The following PCBP3 variants were observed in gnomAD, a reference collection of about 807,000 sequenced individuals.
PCBP3 encodes poly(rC) binding protein 3.
PCBP3 carries 25 observed loss-of-function variants against 52.7 expected under a neutral mutation model. The ratio of observed to expected loss-of-function variants is 0.47; its 90% confidence interval spans 0.35 to 0.66. The LOEUF (loss-of-function observed/expected upper bound fraction) is 0.66, where lower values mean the gene tolerates loss of function less well. Ranked by LOEUF, PCBP3 falls within the 30% of genes least tolerant of loss-of-function variation. The pLI is 0.01. For missense variants in PCBP3, 391 were observed against 490.3 expected (o/e 0.80, Z 1.91); for synonymous variants, 162 against 183.0 (o/e 0.89, Z 0.93).
In PCBP3 at chr21:45,711,388, A is replaced by G. The variant is rs115730497; in HGVS notation, c.-199-24004A>G. On this transcript the variant is annotated intron_variant, in intron 2 of 17. Transcript: ENST00000681687. ...GTACATTTCTTGAGCATTAGTTCAT[A>G]CTGACATTTGTAACTTGAATCCATT... Among the ~76,000 whole-genome samples, 1,003 of 152,334 alleles carry G rather than the reference A, an allele frequency of 6.6e-3. 8 individuals carry two copies. The highest frequency in any genetic ancestry group is 0.023 in the African/African-American group (950 of 41,570).
intron 5 of PCBP3, among the ~76,000 whole-genome samples, chr21:45,877,107 G>A (rs56695250): frequency 0.019 from 2,863 of 152,346 alleles, 84 homozygotes; most frequent in African/African-American, 0.065. Flanking sequence ...GGCCTCACAT[G>A]ACACTTTCAA....
chr21:45,646,727 T>C (rs1487435949), intron 1 of PCBP3, among the ~76,000 whole-genome samples: 2 of 152,138 alleles, frequency 1.3e-5, no homozygotes, highest in Non-Finnish European at 2.9e-5. Context: ...TCAGCATGAG[T>C]TTTGGAGGGG....
chr21:45,655,813 G>GA (rs531898352), intron 1 of PCBP3, among the ~76,000 whole-genome samples: 65 of 150,192 alleles, frequency 4.3e-4, no homozygotes, highest in Admixed American at 9.3e-4. Context: ...AAATTTTCAA[G>GA]AAAAAAAAAC....
chr21:45,917,885 C>T lies in PCBP3; in HGVS notation c.717+256C>T. 2 of 520,430 alleles carry T rather than the reference C, an allele frequency of 3.8e-6. No homozygotes were observed. Among genetic ancestry groups the T allele is most frequent in the Non-Finnish European group, 7.2e-6 (2 of 279,394 alleles). 32.2% of individuals were successfully genotyped at this position (520,430 alleles called of 1,614,324 possible). On this transcript the variant is annotated intron_variant, in intron 13 of 17. Coordinates refer to ENST00000681687, the MANE Select transcript of PCBP3 (RefSeq NM_001384156.1). This position sits in a 1 kb window ranked among gnomAD's most constrained non-coding sequence, Gnocchi z 5.3. Reference sequence around the variant, plus strand: ...CCGCAGTCCTGGGTTTTCCTCCCTCCCACGGGGCCTGGGAGGGAACTGAGA... The same window carrying T: ...CCGCAGTCCTGGGTTTTCCTCCCTCTCACGGGGCCTGGGAGGGAACTGAGA...
chr21:45,776,470 T>TTCTC (rs142762678), intron 4 of PCBP3, among the ~76,000 whole-genome samples: 25 of 146,792 alleles, frequency 1.7e-4, no homozygotes, highest in East Asian at 8.0e-4. Context: ...GAGTCTCTCT[T>TTCTC]TCTCTCTCTC....
intron 4 of PCBP3, among the ~76,000 whole-genome samples, chr21:45,813,360 G>A (rs2092734726): frequency 6.6e-6 from 1 of 152,100 alleles, no homozygotes; most frequent in African/African-American, 2.4e-5. Flanking sequence ...TTGATTTCTA[G>A]TTGGCTCATT....
chr21:45,886,272 C>T lies in PCBP3; in HGVS notation c.11-9936C>T, dbSNP rs796674727. Among the ~76,000 whole-genome samples, 7 of 16,448 alleles carry T rather than the reference C, an allele frequency of 4.3e-4. 1 individual carries two copies. Among genetic ancestry groups the T allele is most frequent in the African/African-American group, 1.1e-3 (4 of 3,638 alleles). 10.8% of individuals were successfully genotyped at this position (16,448 alleles called of 152,430 possible). ...TGAGGTGTGGAGGAGGCCTCATTGC[C>T]GCGGGTGCCAAGGGCAGAGGATGTG... is the stretch of plus-strand genomic sequence containing the variant. On this transcript the variant is annotated intron_variant, in intron 5 of 17. Transcript: ENST00000681687.
intron 12 of PCBP3, 57 bp downstream of exon 12, chr21:45,914,082 C>T: frequency 6.2e-7 from 1 of 1,610,754 alleles, no homozygotes. Context: ...TACTGCAGCA[C>T]CCGCCGCTGC....
chr21:45,835,667 C>T (rs2093567839), intron 4 of PCBP3, among the ~76,000 whole-genome samples: 1 of 152,222 alleles, frequency 6.6e-6, no homozygotes, highest in Non-Finnish European at 1.5e-5. Context: ...CGTGGCCCCA[C>T]ATCCCTGTGA....
At chr21:45,679,043 A>G (rs921622765) in intron 2 of PCBP3, among the ~76,000 whole-genome samples, 1 of 150,678 alleles carries the variant, frequency 6.6e-6, no homozygotes, top group Non-Finnish European at 1.5e-5. Context: ...CACTAAAAAG[A>G]TGATGACTCA....
At chr21:45,693,375 A>T (rs1237255523) in intron 2 of PCBP3, among the ~76,000 whole-genome samples, 1 of 152,106 alleles carries the variant, frequency 6.6e-6, no homozygotes, top group African/African-American at 2.4e-5. Context: ...CAAAATACAG[A>T]CTAATCTAAA....
At chr21:45,832,690 A>T (rs1185836996) in intron 4 of PCBP3, 1 of 152,278 alleles carries the variant, frequency 6.6e-6, no homozygotes, top group East Asian at 1.9e-4. Context: ...AATTTGGCAG[A>T]TGGAGCTTAA....
chr21:45,850,150 C>T (rs950653100), intron 5 of PCBP3, 55 bp downstream of exon 5: 4 of 1,395,122 alleles, frequency 2.9e-6, no homozygotes, highest in Non-Finnish European at 4.0e-6. Context: ...GTGTATATAA[C>T]AAAGTCAGAC....
chr21:45,713,319 T>A (rs533491427), intron 2 of PCBP3, among the ~76,000 whole-genome samples: 1 of 152,296 alleles, frequency 6.6e-6, no homozygotes, highest in African/African-American at 2.4e-5. Context: ...TAGCTTGACC[T>A]ACCATTTCTC....
intron 4 of PCBP3, among the ~76,000 whole-genome samples, chr21:45,818,310 C>G (rs891978368): frequency 2.0e-5 from 3 of 152,132 alleles, no homozygotes; most frequent in Admixed American, 1.3e-4. Flanking sequence ...TGTGAGCCAC[C>G]GCGCCGGCCT....
chr21:45,698,164 T>G (rs746696074), intron 2 of PCBP3, among the ~76,000 whole-genome samples: 4 of 152,214 alleles, frequency 2.6e-5, no homozygotes, highest in Non-Finnish European at 2.9e-5. Flanking sequence ...CATCCCTATG[T>G]GCCAGGCCTG....
At chr21:45,748,026 G>C (rs968535372) in intron 3 of PCBP3, 1 of 152,362 alleles carries the variant, frequency 6.6e-6, no homozygotes, top group South Asian at 2.1e-4. Context: ...GCTGTCTGGC[G>C]GCCCTGCGTG....
At chr21:45,679,542 C>A (rs2081700137) in intron 2 of PCBP3, among the ~76,000 whole-genome samples, 1 of 152,128 alleles carries the variant, frequency 6.6e-6, no homozygotes, top group African/African-American at 2.4e-5. Flanking sequence ...TGAAAAAATT[C>A]ATGTGACTTG....
chr21:45,863,775 C>A (rs1178211498), intron 5 of PCBP3, among the ~76,000 whole-genome samples: 1 of 152,164 alleles, frequency 6.6e-6, no homozygotes, highest in Non-Finnish European at 1.5e-5. Flanking sequence ...GGATTGAGGG[C>A]CCTGGGTGAG....
Sources: gnomAD v4.1 joint callset for allele counts (sites outside exome capture counted in the v4.1 genomes callset) on GRCh38, gnomAD v4.1.1 for gene constraint, Gnocchi (gnomAD v3.1) non-coding constraint, MANE v1.5 for transcripts, NCBI Gene and HGNC (gene_info 2026-07-23, HGNC 2026-07-21) for gene names.